The following FHIT variants were observed in gnomAD, a reference collection of about 807,000 sequenced individuals.
FHIT encodes the protein bis(5'-adenosyl)-triphosphatase.
A neutral mutation model predicts 17.9 loss-of-function variants in FHIT; 19 were observed. That is an observed-to-expected ratio of 1.06 (90% CI 0.74 to 1.56). The LOEUF is 1.56. Ranked by LOEUF, FHIT falls within the 40% of genes most tolerant of loss-of-function variation. FHIT has a pLI of 0.00. For missense variants in FHIT, 248 were observed against 189.2 expected (o/e 1.31, Z -1.82); for synonymous variants, 81 against 69.7 (o/e 1.16, Z -0.81).
chr3:60,815,376 A>G (rs1468894589), intron 4 of FHIT, among the ~76,000 whole-genome samples: 8 of 152,104 alleles, frequency 5.3e-5, no homozygotes, highest in Admixed American at 5.2e-4. Flanking sequence ...TTGAGTTCTT[A>G]CATTTAAATC....
intron 2 of FHIT, among the ~76,000 whole-genome samples, chr3:61,073,138 CT>C (rs2034862298): frequency 6.6e-6 from 1 of 152,184 alleles, no homozygotes; most frequent in Non-Finnish European, 1.5e-5. Context: ...TCCCTCCTCC[CT>C]GTAGGTCTTG....
chr3:59,828,952 GA>G lies in FHIT; in HGVS notation c.349-76632del, dbSNP rs200975467. Among the ~76,000 whole-genome samples, 580 of 149,632 alleles carry G rather than the reference GA, an allele frequency of 3.9e-3. 4 individuals are homozygous for G. Among genetic ancestry groups the G allele is most frequent in the East Asian group, 0.027 (137 of 5,106 alleles). On this transcript the variant is annotated intron_variant, in intron 8 of 9. Transcript: ENST00000492590. Reference sequence around the variant, plus strand: ...ATTTTGTATTATGTAAATTTTCCAAGAAAAAAAAGAAAATCTTAATTTGTGT... The same window carrying G: ...ATTTTGTATTATGTAAATTTTCCAAGAAAAAAAGAAAATCTTAATTTGTGT...
intron 2 of FHIT, among the ~76,000 whole-genome samples, chr3:61,107,030 GT>G (rs2036012070): frequency 6.6e-6 from 1 of 152,048 alleles, no homozygotes; most frequent in Admixed American, 6.6e-5. Flanking sequence ...ATAATACATG[GT>G]TATTAACCAT....
chr3:61,073,013 T>C (rs965166369), intron 2 of FHIT, among the ~76,000 whole-genome samples: 4 of 152,114 alleles, frequency 2.6e-5, no homozygotes, highest in Admixed American at 2.0e-4. Flanking sequence ...CCAAAAACTA[T>C]GGACAAAGAC....
At chr3:60,189,380 C>T (rs1702301476) in intron 5 of FHIT, among the ~76,000 whole-genome samples, 1 of 152,134 alleles carries the variant, frequency 6.6e-6, no homozygotes, top group South Asian at 2.1e-4. Flanking sequence ...CTTAAAGTCA[C>T]TCACCTAATG....
intron 5 of FHIT, among the ~76,000 whole-genome samples, chr3:60,158,875 G>T (rs538365235): frequency 6.6e-6 from 1 of 151,902 alleles, no homozygotes; most frequent in South Asian, 2.1e-4. Flanking sequence ...CTCCAAATTC[G>T]TTCTAACACC....
At chr3:60,418,372 GTGTGTATA>G (rs1279524197) in intron 5 of FHIT, among the ~76,000 whole-genome samples, 206 of 5,326 alleles carry the variant, frequency 0.039, 19 homozygotes, top group African/African-American at 0.041. Context: ...GTATCTGAAT[GTGTGTATA>G]TATATATATA....
At chr3:60,133,234 G>T (rs924351406) in intron 5 of FHIT, among the ~76,000 whole-genome samples, 1 of 152,112 alleles carries the variant, frequency 6.6e-6, no homozygotes, top group African/African-American at 2.4e-5. Flanking sequence ...AATCTGATGT[G>T]TTCGGCCAGA....
chr3:60,494,215 A>C (rs1161034125), intron 5 of FHIT, among the ~76,000 whole-genome samples: 1 of 152,120 alleles, frequency 6.6e-6, no homozygotes, highest in African/African-American at 2.4e-5. Context: ...TACATTCCCC[A>C]CTACCCACTC....
At chr3:59,963,968 A>T (rs1369012141) in intron 7 of FHIT, among the ~76,000 whole-genome samples, 1 of 152,226 alleles carries the variant, frequency 6.6e-6, no homozygotes, top group African/African-American at 2.4e-5. Context: ...CAAAGACCTC[A>T]GTAAAGCTGT....
intron 5 of FHIT, among the ~76,000 whole-genome samples, chr3:60,193,263 G>T (rs563788259): frequency 3.3e-5 from 5 of 152,152 alleles, no homozygotes; most frequent in Admixed American, 3.3e-4. Context: ...GCTGAGAATG[G>T]ACCTGCATCA....
chr3:60,278,696 C>T (rs1359412825), intron 5 of FHIT, among the ~76,000 whole-genome samples: 2 of 149,044 alleles, frequency 1.3e-5, no homozygotes, highest in African/African-American at 4.9e-5. Flanking sequence ...CAGCTCTAAG[C>T]TAGATTAACA....
chr3:60,819,514 T>C (rs2106758504), intron 4 of FHIT, among the ~76,000 whole-genome samples: 1 of 152,296 alleles, frequency 6.6e-6, no homozygotes, highest in East Asian at 1.9e-4. Context: ...CATTGAAAAC[T>C]GCAATAGATA....
At chr3:59,898,805 G>A (rs1704192626) in intron 8 of FHIT, among the ~76,000 whole-genome samples, 1 of 152,068 alleles carries the variant, frequency 6.6e-6, no homozygotes, top group African/African-American at 2.4e-5. Flanking sequence ...TAACAACAGT[G>A]ACAATAATAG....
At chr3:59,985,426 G>A (rs752429822) in intron 7 of FHIT, among the ~76,000 whole-genome samples, 3 of 152,090 alleles carry the variant, frequency 2.0e-5, no homozygotes, top group South Asian at 4.2e-4. Flanking sequence ...TGTATAGAAA[G>A]TAACAAACTA....
intron 1 of FHIT, among the ~76,000 whole-genome samples, chr3:61,211,017 C>T (rs541953022): frequency 1.3e-5 from 2 of 152,160 alleles, no homozygotes; most frequent in Admixed American, 6.5e-5. Context: ...AAAGTGGTGG[C>T]TGGCAGCCAA....
At chr3:60,005,061 AC>A (rs1434548049) in intron 7 of FHIT, among the ~76,000 whole-genome samples, 1 of 152,062 alleles carries the variant, frequency 6.6e-6, no homozygotes, top group Non-Finnish European at 1.5e-5. Flanking sequence ...TGGGTTTGAA[AC>A]CAAGTAGTCT....
At chr3:59,898,424 ATGTGTGCGTGTG>A (rs2107060480) in intron 8 of FHIT, among the ~76,000 whole-genome samples, 1 of 149,608 alleles carries the variant, frequency 6.7e-6, no homozygotes, top group South Asian at 2.1e-4. Context: ...ATTTGTATAT[ATGTGTGCGTGTG>A]TATGTTTGTG....
intron 5 of FHIT, among the ~76,000 whole-genome samples, chr3:60,292,645 G>A (rs994097565): frequency 2.0e-5 from 3 of 151,936 alleles, no homozygotes; most frequent in South Asian, 2.1e-4. Flanking sequence ...CTAAATTGCC[G>A]GCCAAGATAT....
Sources: allele counts gnomAD v4.1 joint callset (sites outside exome capture counted in the v4.1 genomes callset), GRCh38; gene constraint gnomAD v4.1.1; transcripts MANE v1.5; gene names NCBI Gene and HGNC (gene_info 2026-07-23, HGNC 2026-07-21).